Variants in PDSS2 observed in about 807,000 individuals in gnomAD.
PDSS2 encodes all trans-polyprenyl-diphosphate synthase PDSS2.
PDSS2 carries 31 observed loss-of-function variants against 44.5 expected under a neutral mutation model. That is an observed-to-expected ratio of 0.70 (90% CI 0.52 to 0.94). The LOEUF (loss-of-function observed/expected upper bound fraction) is 0.94, where lower values mean the gene tolerates loss of function less well. Ranked by LOEUF, PDSS2 falls within the 40% of genes least tolerant of loss-of-function variation. The probability of loss-of-function intolerance (pLI) is 0.00; values close to 1 mark genes in which losing one functional copy is unlikely to be tolerated. For synonymous variants in PDSS2, 157 were observed against 180.3 expected (o/e 0.87, Z 1.03); for missense variants, 452 against 482.2 (o/e 0.94, Z 0.59).
chr6:107,300,992 T>C (rs1776675287), intron 2 of PDSS2, among the ~76,000 whole-genome samples: 1 of 152,208 alleles, frequency 6.6e-6, no homozygotes, highest in Admixed American at 6.5e-5. Context: ...CCCGCACCAC[T>C]TTCCTATGAA....
Position 107,428,477 on chromosome 6 carries a change from A to G in PDSS2, c.296+30513T>C, listed in dbSNP as rs540565079. 1.1e-4 allele frequency among the ~76,000 whole-genome samples: 17 copies of G among 152,302 alleles called. No individual in the cohort carries two copies. In the East Asian group the frequency reaches 1.3e-3, roughly 12 times the overall value. ...AATTTTATTCCATTCCTTCAATTCT[A>G]TAAGTACTTATTGAAGGCTTTCTGT... On this transcript the variant is annotated intron_variant, in intron 1 of 7. Transcript: ENST00000369037.
At chr6:107,286,807 G>A (rs1251100994) in intron 2 of PDSS2, among the ~76,000 whole-genome samples, 1 of 152,082 alleles carries the variant, frequency 6.6e-6, no homozygotes, top group South Asian at 2.1e-4. Context: ...CACTTTGAGA[G>A]GCCAAGGTGG....
chr6:107,284,389 G>A (rs1006612928), intron 2 of PDSS2, among the ~76,000 whole-genome samples: 2 of 151,966 alleles, frequency 1.3e-5, no homozygotes, highest in African/African-American at 2.4e-5. Context: ...GGCTGGGCGC[G>A]GTGGCTCACA....
chr6:107,319,860 GT>G (rs1388702747), intron 2 of PDSS2, among the ~76,000 whole-genome samples: 7 of 152,072 alleles, frequency 4.6e-5, no homozygotes, highest in African/African-American at 1.7e-4. Flanking sequence ...TCAGCTTACT[GT>G]TTTTGTTAAA....
intron 1 of PDSS2, among the ~76,000 whole-genome samples, chr6:107,446,296 C>G (rs774708893): frequency 6.6e-6 from 1 of 150,998 alleles, no homozygotes; most frequent in Non-Finnish European, 1.5e-5. Context: ...AGCCTGGCAA[C>G]GAAGCAAGAC....
intron 2 of PDSS2, among the ~76,000 whole-genome samples, chr6:107,287,927 C>G (rs1776210123): frequency 6.6e-6 from 1 of 152,092 alleles, no homozygotes; most frequent in African/African-American, 2.4e-5. Context: ...CCCAGGAGTT[C>G]AAGGTTGCAG....
At chr6:107,346,177 C>T (rs1336703919) in intron 1 of PDSS2, among the ~76,000 whole-genome samples, 2 of 152,184 alleles carry the variant, frequency 1.3e-5, no homozygotes, top group African/African-American at 4.8e-5. Flanking sequence ...AAGATATGTA[C>T]TTGGAATAAA....
At chr6:107,333,010 T>C (rs557423704) in intron 2 of PDSS2, among the ~76,000 whole-genome samples, 20 of 152,336 alleles carry the variant, frequency 1.3e-4, no homozygotes, top group Non-Finnish European at 7.3e-5. Context: ...GATCATTGAA[T>C]TTCTGGCTGG....
At chr6:107,227,278 C>CTTTTTTTTTTTTTTTTTTTTTT (rs60988844) in intron 4 of PDSS2, among the ~76,000 whole-genome samples, 1 of 102,812 alleles carries the variant, frequency 9.7e-6, no homozygotes, top group Non-Finnish European at 2.0e-5. Flanking sequence ...CCACTGTGCC[C>CTTTTTTTTTTTTTTTTTTTTTT]TTTTTTTTTT....
intron 1 of PDSS2, among the ~76,000 whole-genome samples, chr6:107,416,268 A>G (rs1780656732): frequency 6.6e-6 from 1 of 152,026 alleles, no homozygotes; most frequent in Non-Finnish European, 1.5e-5. Flanking sequence ...CACGATGGGG[A>G]CCCATGAGCC....
Position 107,224,907 on chromosome 6 carries a change from CT to C in PDSS2, c.703-12626del, listed in dbSNP as rs1374044939. Reference sequence around the variant, plus strand: ...GAATGGCTCAGCTGGCTGGTTCTGGCTCATGGTTTCTCGTGAGGTTGCAGTC... The same window carrying C: ...GAATGGCTCAGCTGGCTGGTTCTGGCCATGGTTTCTCGTGAGGTTGCAGTC... On this transcript the variant is annotated intron_variant, in intron 4 of 7. Transcript: ENST00000369037. Among the ~76,000 whole-genome samples, 2 of 149,766 alleles carry C rather than the reference CT, an allele frequency of 1.3e-5. 1 individual carries two copies. Among genetic ancestry groups the C allele is most frequent in the African/African-American group, 5.1e-5 (2 of 39,496 alleles).
intron 4 of PDSS2, among the ~76,000 whole-genome samples, chr6:107,223,357 C>G (rs960341076): frequency 2.0e-5 from 3 of 150,922 alleles, no homozygotes; most frequent in African/African-American, 7.4e-5. Flanking sequence ...TGGTGAAACT[C>G]TGTCTCTACC....
At chr6:107,173,051 G>A (rs1420741174) in intron 7 of PDSS2, among the ~76,000 whole-genome samples, 2 of 150,870 alleles carry the variant, frequency 1.3e-5, no homozygotes, top group Non-Finnish European at 2.9e-5. Flanking sequence ...TTGAACCCAG[G>A]AGGCGGAAGT....
chr6:107,435,711 A>G (rs2114777479), intron 1 of PDSS2, among the ~76,000 whole-genome samples: 1 of 152,354 alleles, frequency 6.6e-6, no homozygotes, highest in South Asian at 2.1e-4. Flanking sequence ...AACACTGTCA[A>G]GAGCTCGATC....
chr6:107,298,117 G>A (rs1374449900), intron 2 of PDSS2, among the ~76,000 whole-genome samples: 1 of 152,078 alleles, frequency 6.6e-6, no homozygotes, highest in East Asian at 1.9e-4. Flanking sequence ...AGGAAAACTG[G>A]GATAGTGCAT....
At chr6:107,164,160 T>C (rs1365288259) in intron 7 of PDSS2, among the ~76,000 whole-genome samples, 9 of 131,078 alleles carry the variant, frequency 6.9e-5, no homozygotes, top group African/African-American at 2.1e-4. Context: ...GGTTTATACT[T>C]AAAAAAAATT....
rs896276014 is a variant in PDSS2, at chr6:107,294,861, A to AT, written c.432-20635dup. ...ACCTCATTGCCTCCCTAAAGAAACAATTTTTTTTTGTATAATGGAATAATT... is the reference window on the plus strand; with the variant it reads ...ACCTCATTGCCTCCCTAAAGAAACAATTTTTTTTTTGTATAATGGAATAATT... On this transcript the variant is annotated intron_variant, in intron 2 of 7. Transcript: ENST00000369037. Among the ~76,000 whole-genome samples the AT allele has an allele frequency of 6.5e-4, 99 of 151,594 alleles. 1 individual carries two copies. Among genetic ancestry groups the AT allele is most frequent in the African/African-American group, 2.1e-3 (88 of 41,348 alleles).
chr6:107,273,054 G>C (rs1308914235), intron 3 of PDSS2, among the ~76,000 whole-genome samples: 1 of 151,920 alleles, frequency 6.6e-6, no homozygotes, highest in Non-Finnish European at 1.5e-5. Context: ...GCATGATCTT[G>C]GCTCACTGCA....
At chr6:107,324,494 T>C (rs1403537890) in intron 2 of PDSS2, among the ~76,000 whole-genome samples, 4 of 152,190 alleles carry the variant, frequency 2.6e-5, no homozygotes, top group Non-Finnish European at 5.9e-5. Flanking sequence ...ATTTTTAAAT[T>C]TAGTTATACA....
Sources: gnomAD v4.1 joint callset for allele counts (sites outside exome capture counted in the v4.1 genomes callset) on GRCh38, gnomAD v4.1.1 for gene constraint, MANE v1.5 for transcripts, NCBI Gene and HGNC (gene_info 2026-07-23, HGNC 2026-07-21) for gene names.